The following GPHN variants were observed in gnomAD, a reference collection of about 807,000 sequenced individuals.
GPHN encodes gephyrin.
Under a neutral mutation model 95.5 loss-of-function variants are expected in GPHN, and 17 were observed. The observed-to-expected ratio is 0.18, with a 90% CI of 0.12 to 0.27. The LOEUF is 0.27. Among genes scored for constraint, GPHN ranks in the 10% least tolerant of loss-of-function variants. The pLI is 1.00. For missense variants in GPHN, 660 were observed against 978.1 expected, an observed-to-expected ratio of 0.67 and a Z score of 4.34; for synonymous variants, 320 against 322.5, an observed-to-expected ratio of 0.99 and a Z score of 0.08.
chr14:66,750,705 A>G (rs552029967), intron 2 of GPHN, among the ~76,000 whole-genome samples: 18 of 151,974 alleles, frequency 1.2e-4, no homozygotes, highest in African/African-American at 2.9e-4. Flanking sequence ...TATTTTATCA[A>G]TGCTGAAAAT....
At chr14:67,620,249 T>C in the GPHN span, among the ~76,000 whole-genome samples, 1 of 143,104 alleles carries the variant, frequency 7.0e-6, no homozygotes, top group South Asian at 2.4e-4. Context: ...CGTGGGAGCA[T>C]GTGGGATATC....
chr14:67,338,101 A>G, the GPHN span: 1 of 152,838 alleles, frequency 6.5e-6, no homozygotes, highest in East Asian at 1.9e-4. Context: ...TGTTTATACC[A>G]CAGTCGCATT....
chr14:66,976,733 C>T (rs1004659702), intron 9 of GPHN, among the ~76,000 whole-genome samples: 1 of 151,676 alleles, frequency 6.6e-6, no homozygotes, highest in Non-Finnish European at 1.5e-5. Flanking sequence ...ACATTTTAAC[C>T]CTGTTCTTAA....
At chr14:66,767,460 A>G (rs2059006362) in intron 2 of GPHN, among the ~76,000 whole-genome samples, 3 of 150,416 alleles carry the variant, frequency 2.0e-5, no homozygotes, top group African/African-American at 2.4e-5. Flanking sequence ...AAAAAAAAAG[A>G]AAAGAGGGAA....
chr14:66,756,180 T>C (rs1595797758), intron 2 of GPHN, among the ~76,000 whole-genome samples: 1 of 152,216 alleles, frequency 6.6e-6, no homozygotes. Context: ...AAAGTACTTA[T>C]GGAGTACATG....
At chr14:67,644,633 A>G in the GPHN span, among the ~76,000 whole-genome samples, 1 of 152,192 alleles carries the variant, frequency 6.6e-6, no homozygotes, top group African/African-American at 2.4e-5. Flanking sequence ...CTTAGAATTG[A>G]GACAGAACAG....
intron 9 of GPHN, among the ~76,000 whole-genome samples, chr14:67,023,425 T>G (rs577947787): frequency 6.6e-6 from 1 of 152,200 alleles, no homozygotes; most frequent in South Asian, 2.1e-4. Flanking sequence ...TACCCCGAAT[T>G]TTTTTCTGGA....
chr14:67,580,880 T>C, the GPHN span: 1 of 1,136,544 alleles, frequency 8.8e-7, no homozygotes, highest in Non-Finnish European at 1.3e-6. Flanking sequence ...TGGCTGGACC[T>C]TGATCCCTTC....
chr14:67,076,193 C>T (rs1264159536), intron 11 of GPHN, among the ~76,000 whole-genome samples: 3 of 152,152 alleles, frequency 2.0e-5, no homozygotes, highest in African/African-American at 7.2e-5. Context: ...CCTCCACCAG[C>T]AAAAACGTTA....
chr14:67,684,704 T>C, the GPHN span: 1 of 185,226 alleles, frequency 5.4e-6, no homozygotes, highest in Non-Finnish European at 1.1e-5. Context: ...AAATTCTTTT[T>C]AAATTCTTTT....
intron 2 of GPHN, among the ~76,000 whole-genome samples, chr14:66,738,389 T>G (rs1326113513): frequency 6.6e-6 from 1 of 152,208 alleles, no homozygotes; most frequent in East Asian, 1.9e-4. Context: ...GGGTATAGTC[T>G]CTATTTAAAA....
At chr14:67,341,225 T>G in the GPHN span, among the ~76,000 whole-genome samples, 1 of 151,584 alleles carries the variant, frequency 6.6e-6, no homozygotes, top group African/African-American at 2.4e-5. Context: ...ATCTAGGAAG[T>G]GAGGAGCGTC....
At chr14:67,259,486 C>T in the GPHN span, among the ~76,000 whole-genome samples, 2 of 152,076 alleles carry the variant, frequency 1.3e-5, no homozygotes, top group East Asian at 3.9e-4. Context: ...GTGTTGGGCG[C>T]CTGTAATCCC....
rs200691734 is a variant in GPHN at position 66,818,936 on chromosome 14, G to GT, written c.202-5532dup. 9.7e-3 allele frequency among the ~76,000 whole-genome samples: 1,481 copies of GT among 152,088 alleles called. 79 individuals carry two copies. Among genetic ancestry groups the GT allele is most frequent in the Admixed American group, 0.089 (1,365 of 15,264 alleles). ...ATGTCCTTTCCCCACTTTTTAATGG[G>GT]TTTTTTCCCTGTAAATTTATTTAAG... On this transcript the variant is annotated intron_variant, in intron 3 of 22. Transcript: ENST00000478722.
the GPHN span, among the ~76,000 whole-genome samples, chr14:67,632,805 T>C: frequency 7.0e-6 from 1 of 142,534 alleles, no homozygotes; most frequent in Non-Finnish European, 1.5e-5. Flanking sequence ...ATTAAGCCTC[T>C]TAATTTTTTT....
intron 2 of GPHN, among the ~76,000 whole-genome samples, chr14:66,701,942 A>G (rs2068594071): frequency 6.6e-6 from 1 of 152,124 alleles, no homozygotes; most frequent in Non-Finnish European, 1.5e-5. Context: ...TCCAGGCTGT[A>G]CTTCTCCCCT....
chr14:66,697,316 T>C (rs1284304112), intron 2 of GPHN, among the ~76,000 whole-genome samples: 1 of 152,218 alleles, frequency 6.6e-6, no homozygotes, highest in East Asian at 1.9e-4. Context: ...GCCTTAGTTA[T>C]GTAGTACGTT....
At chr14:67,141,185 T>A (rs1436871189) in intron 17 of GPHN, among the ~76,000 whole-genome samples, 3 of 152,174 alleles carry the variant, frequency 2.0e-5, no homozygotes, top group Non-Finnish European at 2.9e-5. Context: ...TCAGAGCTTG[T>A]GGACAGGCCA....
At chr14:67,579,803 A>G in the GPHN span, 3 of 1,610,446 alleles carry the variant, frequency 1.9e-6, no homozygotes, top group Non-Finnish European at 2.5e-6. Flanking sequence ...AAGCCATCCC[A>G]CTCTGGCTTT....
Sources: gnomAD v4.1 joint callset for allele counts (sites outside exome capture counted in the v4.1 genomes callset) on GRCh38, gnomAD v4.1.1 for gene constraint, MANE v1.5 for transcripts, NCBI Gene and HGNC (gene_info 2026-07-23, HGNC 2026-07-21) for gene names.